GBF1: variants seen among roughly 807,000 people sequenced by gnomAD.
The protein encoded by GBF1 is golgi brefeldin A resistant guanine nucleotide exchange factor 1, also known as Golgi-specific brefeldin A-resistance guanine nucleotide exchange factor 1.
A neutral mutation model predicts 210.5 loss-of-function variants in GBF1; 114 were observed. The observed-to-expected ratio is 0.54, with a 90% CI of 0.47 to 0.63. GBF1 has a LOEUF of 0.63. GBF1 is among the 30% of genes least tolerant of loss of function. The probability of loss-of-function intolerance (pLI) is 0.00; values close to 1 mark genes in which losing one functional copy is unlikely to be tolerated. For synonymous variants in GBF1, 850 were observed against 889.2 expected (o/e 0.96, Z 0.78); for missense variants, 1,851 against 2,357.7 (o/e 0.79, Z 4.45).
chr10:102,285,942 T>C (rs2075897940), intron 3 of GBF1, among the ~76,000 whole-genome samples: 1 of 152,128 alleles, frequency 6.6e-6, no homozygotes, highest in Non-Finnish European at 1.5e-5. Context: ...TCAGAATACA[T>C]TTTAGTGTTT....
At chr10:102,243,339 G>A (rs1350332221), upstream of GBF1, among the ~76,000 whole-genome samples, 1 of 152,042 alleles carries the variant, frequency 6.6e-6, no homozygotes, top group Non-Finnish European at 1.5e-5. Flanking sequence ...AATTTAGGAG[G>A]GTAAGGACCA....
intron 15 of GBF1, 72 bp downstream of exon 15, chr10:102,362,736 T>C: frequency 8.1e-7 from 1 of 1,227,584 alleles, no homozygotes; most frequent in Non-Finnish European, 1.2e-6. Context: ...TGAGTCGTTT[T>C]TCCTGTCCCC....
intron 3 of GBF1, among the ~76,000 whole-genome samples, chr10:102,273,211 C>T (rs773058679): frequency 6.6e-6 from 1 of 151,734 alleles, no homozygotes; most frequent in Non-Finnish European, 1.5e-5. Flanking sequence ...CATGGTGGCA[C>T]GTGCCAGCTA....
intron 3 of GBF1, among the ~76,000 whole-genome samples, chr10:102,291,382 A>G (rs960265762): frequency 1.3e-5 from 2 of 152,140 alleles, no homozygotes; most frequent in African/African-American, 2.4e-5. Flanking sequence ...CAGGCTGTCC[A>G]TGATAGGAGG....
At position 102,366,971 on chromosome 10, in the gene GBF1, G is replaced by A; in HGVS notation, c.2434-114G>A. ...CTGTTAAGGAGTTGGCAAGAGACTG[G>A]CCACTTTCTGGATGGTACCTCTCCT... On this transcript the variant is annotated intron_variant, in intron 19 of 39. Coordinates refer to ENST00000369983, the MANE Select transcript of GBF1 (RefSeq NM_001377137.1). The surrounding 1 kb of genome is among the most constrained non-coding windows in gnomAD (Gnocchi z 4.0). 4 of 1,156,994 alleles carry A rather than the reference G, an allele frequency of 3.5e-6. No individual in the cohort carries two copies. The highest frequency in any genetic ancestry group is 3.7e-6 in the Non-Finnish European group (3 of 803,374). The allele number at this position is 1,156,994 out of a possible 1,614,324, so 71.7% of individuals were successfully genotyped here.
rs1589743463 is a variant in GBF1 at position 102,351,899 on chromosome 10, G to A, written c.471G>A (p.Val157=). The A allele has an allele frequency of 6.2e-7, 1 of 1,612,608 alleles. No homozygotes were observed. Among genetic ancestry groups the A allele is most frequent in the East Asian group, 2.2e-5 (1 of 44,880 alleles). The part of the protein sequence containing the change: ...PVGAHLTNES[V]CEIMQSCFRI... The stretch of plus-strand genomic sequence containing the variant: ...GTGCCCACCTAACCAATGAATCTGT[G>A]TGTGAGATTATGCAGTCTTGCTTCC... The change falls in exon 6 of 40, where the codon GTG becomes GTA. Residue 157 remains valine, a synonymous_variant. Coordinates refer to ENST00000369983, the MANE Select transcript of GBF1 (RefSeq NM_001377137.1).
intron 1 of GBF1, among the ~76,000 whole-genome samples, chr10:102,258,266 C>T (rs1479222975): frequency 5.3e-5 from 8 of 150,388 alleles, no homozygotes; most frequent in African/African-American, 1.7e-4. Context: ...GCAATTCTCC[C>T]ATCTCAGCCT....
In GBF1 at chr10:102,379,970, C is replaced by T. The variant is rs1236286013; in HGVS notation, c.4878+16C>T. ...GCTCTCTAAGGTACTGCTCACCACC[C>T]TATACCCACCCTCTCTCCCATACCT... On this transcript the variant is annotated intron_variant, in intron 36 of 39. Transcript: ENST00000369983. The T allele has an allele frequency of 4.7e-6, 7 of 1,501,330 alleles. No individual in the cohort carries two copies. The highest frequency in any genetic ancestry group is 5.5e-6 in the Non-Finnish European group (6 of 1,081,254). The allele number at this position is 1,501,330 out of a possible 1,614,324, so 93.0% of individuals were successfully genotyped here.
rs1251987102 is a variant in GBF1 at position 102,369,675 on chromosome 10, C to T, written c.3151-36C>T. On this transcript the variant is annotated intron_variant, in intron 24 of 39. Transcript: ENST00000369983. ...TGGAGGCGGGCACAAATGCAAAGGA[C>T]ACATGGAAAGAAATTATTTTGACTT... 6.3e-6 allele frequency: 10 copies of T among 1,590,304 alleles called. No individual in the cohort carries two copies. In the South Asian group the frequency reaches 8.8e-5, roughly 14 times the overall value.
chr10:102,236,552 G>A, the GBF1 span, among the ~76,000 whole-genome samples: 1 of 152,184 alleles, frequency 6.6e-6, no homozygotes, highest in Non-Finnish European at 1.5e-5. Flanking sequence ...ATTACAGGAA[G>A]CCTGGTCATG....
rs779096189 is a variant in GBF1 at position 102,358,199 on chromosome 10, G to A, written c.787+13G>A. The A allele has an allele frequency of 1.6e-5, 26 of 1,609,136 alleles. No individual in the cohort carries two copies. The highest frequency in any genetic ancestry group is 2.0e-5 in the Non-Finnish European group (24 of 1,176,454). On this transcript the variant is annotated intron_variant, in intron 9 of 39. Coordinates refer to ENST00000369983, the MANE Select transcript of GBF1 (RefSeq NM_001377137.1). The stretch of plus-strand genomic sequence containing the variant: ...TCTAACCTCACTGGTGAGTGCCCTG[G>A]ACTACTTCCTCTGATTAGACAAAAG...
chr10:102,324,178 C>T (rs1378596471), intron 3 of GBF1, among the ~76,000 whole-genome samples: 1 of 152,224 alleles, frequency 6.6e-6, no homozygotes, highest in African/African-American at 2.4e-5. Context: ...TCTCTCTCCC[C>T]TTAGTCTGAA....
At position 102,375,470 on chromosome 10, in the gene GBF1, A is replaced by G. The variant is rs539982671; in HGVS notation, c.3772A>G (p.Ile1258Val). The part of the protein sequence containing the change: ...HELLKTNAAN[I>V]HSGDDWATLF... The stretch of plus-strand genomic sequence containing the variant: ...ACTCCTGAAGACCAATGCAGCCAAC[A>G]TCCACTCAGGTGATGACTGGGCCAC... The change falls in exon 30 of 40, where the codon ATC becomes GTC. Residue 1258 changes from isoleucine to valine, a missense_variant. By Grantham distance (29) the Ile-to-Val change is conservative. Transcript: ENST00000369983. 3.6e-5 allele frequency: 58 copies of G among 1,613,560 alleles called. No individual in the cohort carries two copies. The East Asian group carries it at 1.2e-3, about 35-fold the overall frequency.
At position 102,343,338 on chromosome 10, in the gene GBF1, G is replaced by T. The variant is rs562314184; in HGVS notation, c.164-713G>T. Among the ~76,000 whole-genome samples the T allele has an allele frequency of 2.5e-4, 38 of 152,222 alleles. 1 individual carries two copies. The South Asian group carries it at 7.7e-3, about 31-fold the overall frequency. On this transcript the variant is annotated intron_variant, in intron 3 of 39. Coordinates refer to ENST00000369983, the MANE Select transcript of GBF1 (RefSeq NM_001377137.1). ...ACAGGAGCCCACCTTGGGACCTAAG[G>T]GTCGCATTGGCTCTACCCAAGATGA...
chr10:102,249,733 C>T (rs1285865736), intron 1 of GBF1, among the ~76,000 whole-genome samples: 1 of 151,158 alleles, frequency 6.6e-6, no homozygotes, highest in Non-Finnish European at 1.5e-5. Context: ...GCTCTGTTGC[C>T]CAGGCTGGAG....
intron 1 of GBF1, among the ~76,000 whole-genome samples, chr10:102,251,240 G>A (rs1418543560): frequency 2.0e-5 from 3 of 152,136 alleles, no homozygotes; most frequent in Non-Finnish European, 2.9e-5. Context: ...TGGAAGGTTT[G>A]TAACTTCTGG....
rs4919625 is a variant in GBF1 at position 102,316,293 on chromosome 10, G to A, written c.164-27758G>A. ...GTAGAGATGGGATTTCACCGTCTTG[G>A]CCAGGCTGGTCTTGAACTTCTGACC... is the stretch of plus-strand genomic sequence containing the variant. On this transcript the variant is annotated intron_variant, in intron 3 of 39. Coordinates refer to ENST00000369983, the MANE Select transcript of GBF1 (RefSeq NM_001377137.1). Among the ~76,000 whole-genome samples, 323 of 152,080 alleles carry A rather than the reference G, an allele frequency of 2.1e-3. 5 individuals are homozygous for A. Among genetic ancestry groups the A allele is most frequent in the Admixed American group, 0.018 (277 of 15,268 alleles).
chr10:102,266,047 C>T (rs529193724), intron 3 of GBF1, among the ~76,000 whole-genome samples: 4 of 152,124 alleles, frequency 2.6e-5, no homozygotes, highest in East Asian at 3.9e-4. Context: ...ACCATCCTGG[C>T]GAACACGGTG....
chr10:102,263,054 G>T (rs2073429216), intron 3 of GBF1, among the ~76,000 whole-genome samples: 1 of 152,158 alleles, frequency 6.6e-6, no homozygotes, highest in East Asian at 1.9e-4. Flanking sequence ...ACCTGCCTGA[G>T]AAAATGACAG....
Sources: gnomAD v4.1 joint callset for allele counts (sites outside exome capture counted in the v4.1 genomes callset) on GRCh38, gnomAD v4.1.1 for gene constraint, Gnocchi (gnomAD v3.1) non-coding constraint, MANE v1.5 for transcripts, NCBI Gene and HGNC (gene_info 2026-07-23, HGNC 2026-07-21) for gene names.